The following WWOX variants were observed in gnomAD, a reference collection of about 807,000 sequenced individuals.
WWOX encodes the protein WW domain-containing oxidoreductase.
WWOX carries 69 observed loss-of-function variants against 46.2 expected under a neutral mutation model. The ratio of observed to expected loss-of-function variants is 1.49; its 90% confidence interval spans 1.23 to 1.82. The LOEUF (loss-of-function observed/expected upper bound fraction) is 1.82, where lower values mean the gene tolerates loss of function less well. WWOX is among the 40% of genes most tolerant of loss of function. The probability of loss-of-function intolerance (pLI) is 0.00; values close to 1 mark genes in which losing one functional copy is unlikely to be tolerated. For synonymous variants in WWOX, 359 were observed against 202.6 expected (o/e 1.77, Z -6.56); for missense variants, 919 against 542.6 (o/e 1.69, Z -6.89).
intron 8 of WWOX, among the ~76,000 whole-genome samples, chr16:78,763,990 A>G (rs2049862811): frequency 6.6e-6 from 1 of 152,180 alleles, no homozygotes; most frequent in Non-Finnish European, 1.5e-5. Context: ...GGGCTGGGAT[A>G]CATGTTGGGC....
intron 8 of WWOX, among the ~76,000 whole-genome samples, chr16:79,040,727 C>T (rs1399468032): frequency 2.0e-5 from 3 of 152,134 alleles, no homozygotes; most frequent in African/African-American, 7.2e-5. Context: ...TAACTAGAAC[C>T]ACAGAGATCC....
intron 5 of WWOX, among the ~76,000 whole-genome samples, chr16:78,172,500 T>G (rs1382772983): frequency 6.6e-6 from 1 of 152,222 alleles, no homozygotes; most frequent in Admixed American, 6.5e-5. Context: ...TCCTCTAAGT[T>G]TTCCGTTTCA....
intron 6 of WWOX, among the ~76,000 whole-genome samples, chr16:78,411,763 C>G (rs183780948): frequency 6.6e-6 from 1 of 152,098 alleles, no homozygotes; most frequent in Non-Finnish European, 1.5e-5. Context: ...GTGACTACAC[C>G]TAAAAGGAAC....
intron 5 of WWOX, among the ~76,000 whole-genome samples, chr16:78,222,486 C>G (rs2151799082): frequency 6.6e-6 from 1 of 152,150 alleles, no homozygotes; most frequent in East Asian, 1.9e-4. Flanking sequence ...ATGCAACAGT[C>G]AACTTTTTCC....
At chr16:78,802,074 T>C (rs1271731083) in intron 8 of WWOX, among the ~76,000 whole-genome samples, 4 of 152,176 alleles carry the variant, frequency 2.6e-5, no homozygotes, top group Non-Finnish European at 2.9e-5. Context: ...ATTAGCATTA[T>C]TGTCATTGTG....
At chr16:78,707,842 TAA>T (rs2048355969) in intron 8 of WWOX, among the ~76,000 whole-genome samples, 1 of 15,322 alleles carries the variant, frequency 6.5e-5, no homozygotes, top group Non-Finnish European at 1.9e-4. Context: ...CTCAAAAATA[TAA>T]ATAAATAAAT....
intron 5 of WWOX, among the ~76,000 whole-genome samples, chr16:78,237,005 C>T (rs1221500035): frequency 4.3e-5 from 6 of 138,960 alleles, no homozygotes; most frequent in South Asian, 2.3e-4. Context: ...ACCCAGGAGG[C>T]GGAGGTTGCA....
chr16:78,868,440 C>T (rs529022579), intron 8 of WWOX, among the ~76,000 whole-genome samples: 2 of 151,148 alleles, frequency 1.3e-5, no homozygotes, highest in African/African-American at 4.9e-5. Flanking sequence ...TGTTCTAGGA[C>T]AAGACTGTGG....
intron 8 of WWOX, among the ~76,000 whole-genome samples, chr16:78,717,307 C>CA (rs2048587155): frequency 6.6e-6 from 1 of 152,150 alleles, no homozygotes; most frequent in South Asian, 2.1e-4. Context: ...GGAGAGACAG[C>CA]ATAATAATTA....
At chr16:78,819,239 C>T (rs188486418) in intron 8 of WWOX, among the ~76,000 whole-genome samples, 1 of 152,110 alleles carries the variant, frequency 6.6e-6, no homozygotes, top group Non-Finnish European at 1.5e-5. Context: ...CTTCAGTGAC[C>T]CCCAGTGAGG....
At chr16:78,250,158 T>C (rs2151827721) in intron 5 of WWOX, among the ~76,000 whole-genome samples, 1 of 152,270 alleles carries the variant, frequency 6.6e-6, no homozygotes, top group East Asian at 1.9e-4. Context: ...AGTAGTAATC[T>C]CCAATTTAGG....
intron 4 of WWOX, among the ~76,000 whole-genome samples, chr16:78,162,517 CAT>C (rs71137878): frequency 2.0e-5 from 3 of 151,694 alleles, no homozygotes; most frequent in South Asian, 2.1e-4. Context: ...GTAGCTTGCA[CAT>C]ATATATATAC....
chr16:78,960,523 C>G (rs1009813497), intron 8 of WWOX, among the ~76,000 whole-genome samples: 8 of 152,194 alleles, frequency 5.3e-5, no homozygotes, highest in African/African-American at 1.4e-4. Context: ...TTGTCACCTT[C>G]TTACCCCAGA....
intron 4 of WWOX, among the ~76,000 whole-genome samples, chr16:78,119,613 G>C (rs2032988690): frequency 6.6e-6 from 1 of 151,324 alleles, no homozygotes; most frequent in African/African-American, 2.4e-5. Flanking sequence ...GGGTTTGTGA[G>C]ACATCCATTA....
chr16:78,225,492 T>C (rs1199505646), intron 5 of WWOX, among the ~76,000 whole-genome samples: 1 of 152,230 alleles, frequency 6.6e-6, no homozygotes, highest in Non-Finnish European at 1.5e-5. Flanking sequence ...TTCTATGATC[T>C]CTGCTTTTAA....
chr16:78,477,489 C>T (rs1415447072), intron 8 of WWOX, among the ~76,000 whole-genome samples: 1 of 152,034 alleles, frequency 6.6e-6, no homozygotes, highest in Admixed American at 6.6e-5. Context: ...CACCTCTGGG[C>T]TTGCTTAAAA....
intron 8 of WWOX, among the ~76,000 whole-genome samples, chr16:78,978,158 C>T (rs2046610240): frequency 6.6e-6 from 1 of 152,170 alleles, no homozygotes; most frequent in African/African-American, 2.4e-5. Context: ...CACATTGTGG[C>T]ATGTATCAGT....
In WWOX at chr16:79,207,707, C is replaced by G. The variant is rs376684688; in HGVS notation, c.1057-3901C>G. The stretch of plus-strand genomic sequence containing the variant: ...ATTTTAAAATAGAAAAACCTGAAAG[C>G]AAAACACGGTGTAACATGTGTCCCT... On this transcript the variant is annotated intron_variant, in intron 8 of 8. Coordinates refer to ENST00000566780, the MANE Select transcript of WWOX (RefSeq NM_016373.4). Among the ~76,000 whole-genome samples, 8 of 152,230 alleles carry G rather than the reference C, an allele frequency of 5.3e-5. 1 individual carries two copies. The highest frequency in any genetic ancestry group is 3.4e-3 in the Middle Eastern group (1 of 294).
chr16:78,941,625 G>A (rs114250327), intron 8 of WWOX, among the ~76,000 whole-genome samples: 1 of 152,088 alleles, frequency 6.6e-6, no homozygotes, highest in Admixed American at 6.5e-5. Flanking sequence ...TCATAGGAGA[G>A]TGCTCAGAAA....
Sources: gnomAD v4.1 joint callset for allele counts (sites outside exome capture counted in the v4.1 genomes callset) on GRCh38, gnomAD v4.1.1 for gene constraint, MANE v1.5 for transcripts, NCBI Gene and HGNC (gene_info 2026-07-23, HGNC 2026-07-21) for gene names.